Variants in ADCY10 observed in about 807,000 individuals in gnomAD.
The protein encoded by ADCY10 is adenylate cyclase 10.
Under a neutral mutation model 183.3 loss-of-function variants are expected in ADCY10, and 156 were observed. That is an observed-to-expected ratio of 0.85 (90% CI 0.75 to 0.97). ADCY10 has a LOEUF of 0.97. Ranked by LOEUF, ADCY10 falls within the 50% of genes least tolerant of loss-of-function variation. ADCY10 has a pLI of 0.00. For missense variants in ADCY10, 1,745 were observed against 1,934.3 expected, an observed-to-expected ratio of 0.90 and a Z score of 1.84; for synonymous variants, 645 against 670.0, an observed-to-expected ratio of 0.96 and a Z score of 0.58.
chr1:167,862,680 A>C lies in ADCY10; in HGVS notation c.1617-1617T>G, dbSNP rs1666367959. 3.9e-5 allele frequency among the ~76,000 whole-genome samples: 6 copies of C among 152,244 alleles called. No homozygotes were observed. In the South Asian group the frequency reaches 1.2e-3, roughly 32 times the overall value. ...TCAATTAATGATTGAATACATGAAT[A>C]AACAAATGTCTTCTGACTGTTGTGA... On this transcript the variant is annotated intron_variant, in intron 14 of 32. Coordinates refer to ENST00000367851, the MANE Select transcript of ADCY10 (RefSeq NM_018417.6).
At chr1:167,862,018 A>G (rs1182368052) in intron 14 of ADCY10, among the ~76,000 whole-genome samples, 1 of 152,156 alleles carries the variant, frequency 6.6e-6, no homozygotes, top group Admixed American at 6.5e-5. Flanking sequence ...AGCCATGTGG[A>G]ACTGTGAGTC....
At chr1:167,827,482 T>C (rs1036471650) in intron 26 of ADCY10, among the ~76,000 whole-genome samples, 88 of 151,690 alleles carry the variant, frequency 5.8e-4, no homozygotes, top group African/African-American at 2.1e-3. Flanking sequence ...TTTAATGTAC[T>C]TTTATAAAGG....
intron 4 of ADCY10, 22 bp from the exon 5 acceptor site, chr1:167,901,827 G>A (rs375579686): frequency 6.4e-5 from 103 of 1,613,974 alleles, no homozygotes; most frequent in Non-Finnish European, 8.3e-5. Context: ...GACATGCCGC[G>A]GGCTTTTGAC....
intron 18 of ADCY10, among the ~76,000 whole-genome samples, chr1:167,853,104 A>G (rs944700689): frequency 1.3e-5 from 2 of 152,164 alleles, no homozygotes; most frequent in Admixed American, 6.5e-5. Flanking sequence ...TCACCTCATC[A>G]TGACACTGAT....
intron 8 of ADCY10, among the ~76,000 whole-genome samples, chr1:167,887,585 A>G (rs937258973): frequency 1.3e-5 from 2 of 152,128 alleles, no homozygotes; most frequent in Admixed American, 6.5e-5. Flanking sequence ...TAGGAGATAT[A>G]CCTAATGTAA....
chr1:167,903,712 T>C (rs1437081842), intron 3 of ADCY10, among the ~76,000 whole-genome samples, 175 bp downstream of exon 3: 1 of 152,248 alleles, frequency 6.6e-6, no homozygotes, highest in African/African-American at 2.4e-5. Flanking sequence ...GGTTTGATTA[T>C]ATTTATTTCT....
intron 29 of ADCY10, among the ~76,000 whole-genome samples, chr1:167,822,467 T>C (rs1662972993): frequency 6.6e-6 from 1 of 152,222 alleles, no homozygotes; most frequent in Admixed American, 6.5e-5. Flanking sequence ...TTGATGGCAA[T>C]GTCTGCATCC....
chr1:167,856,518 A>G, intron 16 of ADCY10, 79 bp from the exon 17 acceptor site: 1 of 1,428,376 alleles, frequency 7.0e-7, no homozygotes, highest in Non-Finnish European at 9.8e-7. Flanking sequence ...ATGCATATGT[A>G]TCCATTGAGC....
At chr1:167,888,732 G>A (rs1008843767) in intron 8 of ADCY10, among the ~76,000 whole-genome samples, 1 of 151,726 alleles carries the variant, frequency 6.6e-6, no homozygotes, top group South Asian at 2.1e-4. Context: ...AAAAATTAGC[G>A]GGGCGTGGTG....
At chr1:167,880,353 C>G in intron 10 of ADCY10, 138 bp downstream of exon 10, 1 of 954,492 alleles carries the variant, frequency 1.0e-6, no homozygotes, top group Non-Finnish European at 1.7e-6. Flanking sequence ...CCCGGAGATG[C>G]GAAGGAGGAA....
At chr1:167,875,293 C>A in intron 12 of ADCY10, 107 bp from the exon 13 acceptor site, 1 of 1,133,662 alleles carries the variant, frequency 8.8e-7, no homozygotes, top group Non-Finnish European at 1.3e-6. Context: ...CAATTGCTAA[C>A]AAGAGTCTAT....
chr1:167,905,003 A>G lies in ADCY10; in HGVS notation c.138T>C (p.Val46=). ...CCCTTTTGCACTTGCCTGAAATATC[A>G]ACAAACATCAGGACTCCGTCAAAAT... ...MDYFDGVLMF[V]DISGFTAMTE... is the part of the protein sequence containing the mutation. Residue 46 remains valine, a synonymous_variant, in exon 2 of 33, where the codon GTT becomes GTC. Transcript: ENST00000367851. 2.5e-6 allele frequency: 4 copies of G among 1,614,200 alleles called. No homozygotes were observed. The highest frequency in any genetic ancestry group is 3.4e-6 in the Non-Finnish European group (4 of 1,180,040).
At chr1:167,841,135 G>T (rs204267) in intron 21 of ADCY10, among the ~76,000 whole-genome samples, 72,185 of 151,538 alleles carry the variant, frequency 0.48, 20,181 homozygotes, top group African/African-American at 0.79. Flanking sequence ...TAGAGGGAGA[G>T]TTCATCATGC....
At chr1:167,878,190 GT>G (rs1667611206) in intron 12 of ADCY10, among the ~76,000 whole-genome samples, 1 of 152,084 alleles carries the variant, frequency 6.6e-6, no homozygotes, top group Non-Finnish European at 1.5e-5. Flanking sequence ...AGGATTTTTT[GT>G]TTGGTTTGTA....
At chr1:167,818,705 T>C (rs12088781) in intron 30 of ADCY10, among the ~76,000 whole-genome samples, 1 of 152,034 alleles carries the variant, frequency 6.6e-6, no homozygotes, top group African/African-American at 2.4e-5. Context: ...GCCCAGCTAA[T>C]TTTTTGTATT....
chr1:167,898,493 G>A (rs75155124), intron 6 of ADCY10, among the ~76,000 whole-genome samples: 4,491 of 152,060 alleles, frequency 0.03, 223 homozygotes, highest in African/African-American at 0.1. Flanking sequence ...CCAGCGACTC[G>A]GAAGGTTGAG....
At chr1:167,891,976 C>CTT (rs376364252) in intron 8 of ADCY10, among the ~76,000 whole-genome samples, 19 of 140,044 alleles carry the variant, frequency 1.4e-4, no homozygotes, top group African/African-American at 2.9e-4. Flanking sequence ...TTTTTCTTTT[C>CTT]TTTTTTTTTT....
At chr1:167,904,925 T>G in intron 2 of ADCY10, 68 bp downstream of exon 2, 2 of 1,609,296 alleles carry the variant, frequency 1.2e-6, no homozygotes, top group South Asian at 2.2e-5. Flanking sequence ...GCAATCAAGC[T>G]CTGCATGTGA....
chr1:167,841,610 C>T (rs1664650530), intron 21 of ADCY10, among the ~76,000 whole-genome samples: 1 of 144,784 alleles, frequency 6.9e-6, no homozygotes, highest in South Asian at 2.2e-4. Flanking sequence ...CGGGCTCAAG[C>T]AATACTCTTG....
Sources: allele counts gnomAD v4.1 joint callset (sites outside exome capture counted in the v4.1 genomes callset), GRCh38; gene constraint gnomAD v4.1.1; transcripts MANE v1.5; gene names NCBI Gene and HGNC (gene_info 2026-07-23, HGNC 2026-07-21).